Variants in SPAG16 observed in about 807,000 individuals in gnomAD.
The protein encoded by SPAG16 is sperm-associated antigen 16 protein.
Under a neutral mutation model 80.4 loss-of-function variants are expected in SPAG16, and 86 were observed. The observed-to-expected ratio is 1.07, with a 90% CI of 0.90 to 1.28. The LOEUF (loss-of-function observed/expected upper bound fraction) is 1.28. Among genes scored for constraint, SPAG16 ranks in the 50% most tolerant of loss-of-function variants. The pLI, the probability that SPAG16 is intolerant of heterozygous loss-of-function variation, is 0.00. For synonymous variants in SPAG16, 294 were observed against 265.9 expected (o/e 1.11, Z -1.03); for missense variants, 870 against 765.3 (o/e 1.14, Z -1.61).
At chr2:213,593,365 G>A (rs2060773867) in intron 10 of SPAG16, among the ~76,000 whole-genome samples, 1 of 152,018 alleles carries the variant, frequency 6.6e-6, no homozygotes, top group Non-Finnish European at 1.5e-5. Flanking sequence ...TCACAATTTT[G>A]ATTTGGAAAA....
chr2:213,766,442 G>A (rs529254618), intron 10 of SPAG16, among the ~76,000 whole-genome samples: 2 of 152,202 alleles, frequency 1.3e-5, no homozygotes, highest in Non-Finnish European at 2.9e-5. Flanking sequence ...TCTATGCAGT[G>A]ATCTCTGTCA....
chr2:213,890,303 A>G (rs759801835), intron 11 of SPAG16, among the ~76,000 whole-genome samples: 3 of 152,076 alleles, frequency 2.0e-5, no homozygotes, highest in Non-Finnish European at 4.4e-5. Flanking sequence ...TTAAATCTGA[A>G]AACATATTAG....
intron 10 of SPAG16, among the ~76,000 whole-genome samples, chr2:213,820,219 C>T (rs1444775621): frequency 4.0e-5 from 6 of 151,756 alleles, no homozygotes; most frequent in South Asian, 4.2e-4. Context: ...AGATTCCTGG[C>T]GCATGGCACC....
intron 12 of SPAG16, among the ~76,000 whole-genome samples, chr2:213,951,487 T>G (rs72950724): frequency 0.15 from 22,181 of 152,164 alleles, 2,015 homozygotes; most frequent in Non-Finnish European, 0.2. Flanking sequence ...TCTCCTGTTC[T>G]CAATTTAAAT....
intron 9 of SPAG16, among the ~76,000 whole-genome samples, chr2:213,420,935 A>G (rs1457309921): frequency 6.6e-6 from 1 of 152,216 alleles, no homozygotes; most frequent in African/African-American, 2.4e-5. Context: ...GCAGTGGCCC[A>G]TCTGGAGTGG....
chr2:213,531,766 C>T (rs2076075368), intron 10 of SPAG16, among the ~76,000 whole-genome samples: 1 of 151,992 alleles, frequency 6.6e-6, no homozygotes, highest in Admixed American at 6.6e-5. Flanking sequence ...TCAAAAAGGT[C>T]CTTCTTTTTT....
At chr2:213,844,006 C>T (rs2074489508) in intron 10 of SPAG16, among the ~76,000 whole-genome samples, 1 of 151,998 alleles carries the variant, frequency 6.6e-6, no homozygotes, top group Non-Finnish European at 1.5e-5. Flanking sequence ...GTTTATAGTT[C>T]AGATTGGCAA....
chr2:213,971,806 G>A (rs984177685), intron 12 of SPAG16, among the ~76,000 whole-genome samples: 7 of 151,740 alleles, frequency 4.6e-5, no homozygotes, highest in Non-Finnish European at 7.4e-5. Flanking sequence ...TTATATTCCT[G>A]CCAGCAATAA....
intron 13 of SPAG16, among the ~76,000 whole-genome samples, chr2:214,106,076 A>G (rs1253868956): frequency 1.3e-5 from 2 of 152,168 alleles, no homozygotes; most frequent in Non-Finnish European, 2.9e-5. Flanking sequence ...CCAATTAATC[A>G]AATAGTTTAG....
At chr2:213,387,308 A>G (rs1392109407) in intron 9 of SPAG16, among the ~76,000 whole-genome samples, 3 of 151,548 alleles carry the variant, frequency 2.0e-5, no homozygotes, top group African/African-American at 7.3e-5. Flanking sequence ...AAGCACTATT[A>G]TTAAAAGTAT....
chr2:213,363,590 G>C (rs1384244171), intron 7 of SPAG16, among the ~76,000 whole-genome samples: 2 of 152,004 alleles, frequency 1.3e-5, no homozygotes, highest in African/African-American at 4.8e-5. Context: ...AAAGTTCTTA[G>C]TTATAAGACA....
At chr2:214,028,072 TA>T (rs2048225729) in intron 13 of SPAG16, among the ~76,000 whole-genome samples, 1 of 151,984 alleles carries the variant, frequency 6.6e-6, no homozygotes, top group African/African-American at 2.4e-5. Context: ...CACACATTTT[TA>T]TGATGTGTGA....
chr2:213,980,725 T>TATATATATATATATATATAGAGAGAGAG (rs374274176), intron 12 of SPAG16, among the ~76,000 whole-genome samples: 14 of 103,982 alleles, frequency 1.3e-4, no homozygotes, highest in African/African-American at 2.5e-4. Context: ...TATATATATA[T>TATATATATATATATATATAGAGAGAGAG]AGAGAGAGAG....
At chr2:214,345,886 G>A (rs1011440784) in intron 15 of SPAG16, among the ~76,000 whole-genome samples, 9 of 152,028 alleles carry the variant, frequency 5.9e-5, no homozygotes, top group Admixed American at 2.6e-4. Context: ...TCACATCTAG[G>A]AATAGTTCAT....
At chr2:214,379,462 T>G (rs941696110) in intron 15 of SPAG16, among the ~76,000 whole-genome samples, 2 of 152,220 alleles carry the variant, frequency 1.3e-5, no homozygotes, top group South Asian at 2.1e-4. Flanking sequence ...TTGGAGTCAC[T>G]CCAAGAGTTG....
At chr2:213,918,201 G>T (rs13425079) in intron 11 of SPAG16, among the ~76,000 whole-genome samples, 88,938 of 151,984 alleles carry the variant, frequency 0.59, 27,823 homozygotes, top group South Asian at 0.84. Flanking sequence ...TTGTATCAGT[G>T]TTCATCAAAG....
chr2:213,653,575 C>G (rs920947108), intron 10 of SPAG16, among the ~76,000 whole-genome samples: 1 of 152,122 alleles, frequency 6.6e-6, no homozygotes, highest in African/African-American at 2.4e-5. Context: ...TAAGCAAAAC[C>G]TTGGTGTTTT....
chr2:214,269,338 T>C (rs769723429), intron 15 of SPAG16, among the ~76,000 whole-genome samples: 14 of 152,028 alleles, frequency 9.2e-5, no homozygotes, highest in Non-Finnish European at 2.1e-4. Flanking sequence ...CTCCCAAATA[T>C]AGAAATTGAA....
intron 10 of SPAG16, among the ~76,000 whole-genome samples, chr2:213,621,441 T>G (rs1054052689): frequency 1.3e-5 from 2 of 152,210 alleles, no homozygotes; most frequent in African/African-American, 4.8e-5. Flanking sequence ...TACTATTGGT[T>G]TGATTAGTGT....
Sources: gnomAD v4.1 joint callset for allele counts (sites outside exome capture counted in the v4.1 genomes callset) on GRCh38, gnomAD v4.1.1 for gene constraint, MANE v1.5 for transcripts, NCBI Gene and HGNC (gene_info 2026-07-23, HGNC 2026-07-21) for gene names.